PIGL: variants seen among roughly 807,000 people sequenced by gnomAD.
PIGL encodes phosphatidylinositol glycan anchor biosynthesis class L.
Under a neutral mutation model 31.1 loss-of-function variants are expected in PIGL, and 22 were observed. The ratio of observed to expected loss-of-function variants is 0.71; its 90% CI spans 0.51 to 1.01. The LOEUF (loss-of-function observed/expected upper bound fraction) is 1.01, where lower values mean the gene tolerates loss of function less well. Among genes scored for constraint, PIGL ranks in the 50% least tolerant of loss-of-function variants. PIGL has a pLI of 0.00. For missense variants in PIGL, 302 were observed against 315.9 expected (o/e 0.96, Z 0.33); for synonymous variants, 131 against 117.4 (o/e 1.12, Z -0.75).
At chr17:16,235,435 CTTTTTTTTTTTTTTT>C (rs903174807) in intron 2 of PIGL, among the ~76,000 whole-genome samples, 2 of 90,924 alleles carry the variant, frequency 2.2e-5, no homozygotes, top group Non-Finnish European at 2.2e-5. Context: ...TGTCTACGTT[CTTTTTTTTTTTTTTT>C]TTTTTTTTTT....
intron 4 of PIGL, 31 bp from the exon 5 acceptor site, chr17:16,316,650 T>A (rs1176298010): frequency 6.4e-7 from 1 of 1,568,900 alleles, no homozygotes; most frequent in East Asian, 2.3e-5. Context: ...TGATCCTTAC[T>A]CCTCTCACTC....
At chr17:16,276,447 C>G (rs7211754) in intron 2 of PIGL, among the ~76,000 whole-genome samples, 2,576 of 152,290 alleles carry the variant, frequency 0.017, 63 homozygotes, top group African/African-American at 0.058. Context: ...TAAGACTAGA[C>G]TCTGGCCGGG....
intron 2 of PIGL, among the ~76,000 whole-genome samples, chr17:16,272,084 T>G (rs1347374173): frequency 6.6e-6 from 1 of 152,174 alleles, no homozygotes; most frequent in African/African-American, 2.4e-5. Flanking sequence ...CCAAAGCCAT[T>G]GCTTTTTATC....
rs2092587245 is a variant in PIGL, at chr17:16,217,390, T to C, written c.164T>C (p.Met55Thr). The change falls in exon 1 of 7, where the codon ATG becomes ACG. Residue 55 changes from methionine (M) to threonine (T), a missense_variant. By Grantham distance (81) the Met-to-Thr change is moderately conservative. Coordinates refer to ENST00000225609, the MANE Select transcript of PIGL (RefSeq NM_004278.4). ...LVIAHPDDEA[M>T]FFAPTVLGLA... Reference sequence around the variant, plus strand: ...ATAGCGCACCCTGACGATGAAGCCATGTTTTTTGCTCCCACAGTGCTAGGC... The same window carrying C: ...ATAGCGCACCCTGACGATGAAGCCACGTTTTTTGCTCCCACAGTGCTAGGC... 6.2e-7 allele frequency: 1 copy of C among 1,614,200 alleles called. No individual in the cohort carries two copies. Among genetic ancestry groups the C allele is most frequent in the Admixed American group, 1.7e-5 (1 of 60,028 alleles).
At chr17:16,294,945 C>T (rs916697888) in intron 2 of PIGL, among the ~76,000 whole-genome samples, 7 of 152,280 alleles carry the variant, frequency 4.6e-5, no homozygotes, top group Admixed American at 6.5e-5. Context: ...CCAGTCTCTG[C>T]GTTGTTTCAC....
rs1049859538 is a variant in PIGL, at chr17:16,312,685, A to G, written c.427-862A>G. 3.1e-4 allele frequency: 56 copies of G among 178,048 alleles called. 2 individuals are homozygous for G. Among genetic ancestry groups the G allele is most frequent in the South Asian group, 1.2e-4 (1 of 8,006 alleles). 11.0% of individuals were successfully genotyped at this position (178,048 alleles called of 1,614,324 possible). On this transcript the variant is annotated intron_variant, in intron 3 of 6. Coordinates refer to ENST00000225609, the MANE Select transcript of PIGL (RefSeq NM_004278.4). ...TGCAATCCCGGCACCTTGGGAGGCC[A>G]AGGCTGGCAGATCACTTGCGGTTAG...
intron 2 of PIGL, among the ~76,000 whole-genome samples, chr17:16,296,468 A>G (rs925203708): frequency 2.0e-5 from 3 of 151,388 alleles, no homozygotes; most frequent in Non-Finnish European, 2.9e-5. Flanking sequence ...AAATTAGCTG[A>G]GCATGGTGGC....
intron 2 of PIGL, among the ~76,000 whole-genome samples, chr17:16,299,149 G>T (rs1220462155): frequency 6.6e-6 from 1 of 151,490 alleles, no homozygotes; most frequent in Non-Finnish European, 1.5e-5. Context: ...TGGAGGTTGC[G>T]GTGAGCCGAG....
intron 1 of PIGL, among the ~76,000 whole-genome samples, chr17:16,226,557 T>C (rs1277327741): frequency 6.6e-6 from 1 of 152,238 alleles, no homozygotes; most frequent in Non-Finnish European, 1.5e-5. Context: ...GTAGACATTC[T>C]ACAAGTGCAT....
intron 1 of PIGL, among the ~76,000 whole-genome samples, chr17:16,220,408 T>C (rs1276523209): frequency 6.6e-6 from 1 of 152,090 alleles, no homozygotes; most frequent in Non-Finnish European, 1.5e-5. Context: ...TTGTATTTCA[T>C]TATTTCCTCT....
intron 2 of PIGL, among the ~76,000 whole-genome samples, chr17:16,255,704 G>A (rs183271076): frequency 3.9e-4 from 60 of 152,246 alleles, no homozygotes; most frequent in African/African-American, 8.2e-4. Context: ...CTGACCACGC[G>A]TCCTCTCACT....
chr17:16,287,224 G>T (rs1333486320), intron 2 of PIGL, among the ~76,000 whole-genome samples: 1 of 150,870 alleles, frequency 6.6e-6, no homozygotes, highest in African/African-American at 2.5e-5. Flanking sequence ...GTCTGCCCCA[G>T]GGCTTGCGAT....
intron 2 of PIGL, among the ~76,000 whole-genome samples, chr17:16,239,470 G>A (rs903907576): frequency 5.3e-5 from 8 of 151,250 alleles, no homozygotes; most frequent in African/African-American, 1.5e-4. Flanking sequence ...GTGACAGAGT[G>A]AGACTCTGTC....
intron 2 of PIGL, among the ~76,000 whole-genome samples, chr17:16,290,281 A>C (rs1345710686): frequency 1.3e-5 from 2 of 150,110 alleles, no homozygotes; most frequent in Non-Finnish European, 3.0e-5. Flanking sequence ...TGGGGTTTCC[A>C]CATGTTGGCC....
chr17:16,274,584 G>C (rs1018363401), intron 2 of PIGL, among the ~76,000 whole-genome samples: 3 of 151,904 alleles, frequency 2.0e-5, no homozygotes, highest in African/African-American at 7.2e-5. Flanking sequence ...TTAGCCGGGC[G>C]TGGTGGCAGC....
At chr17:16,304,832 G>A (rs1160141886) in intron 3 of PIGL, among the ~76,000 whole-genome samples, 1 of 152,148 alleles carries the variant, frequency 6.6e-6, no homozygotes, top group South Asian at 2.1e-4. Context: ...CTTAGTCCCT[G>A]CTCCCATAGA....
At chr17:16,301,391 A>G (rs147763484) in intron 3 of PIGL, among the ~76,000 whole-genome samples, 1,744 of 150,932 alleles carry the variant, frequency 0.012, 47 homozygotes, top group African/African-American at 0.04. Context: ...CAGCCTCCTG[A>G]GTAGCTGGGA....
At chr17:16,273,042 T>C (rs2092879041) in intron 2 of PIGL, among the ~76,000 whole-genome samples, 1 of 152,228 alleles carries the variant, frequency 6.6e-6, no homozygotes, top group African/African-American at 2.4e-5. Flanking sequence ...AATGTGTTTG[T>C]TTATTCATTT....
chr17:16,237,977 C>T (rs527846288), intron 2 of PIGL, among the ~76,000 whole-genome samples: 2 of 151,960 alleles, frequency 1.3e-5, no homozygotes, highest in South Asian at 4.2e-4. Context: ...GTGGGTGGAT[C>T]ACGAGGTCAG....
Sources: gnomAD v4.1 joint callset for allele counts (sites outside exome capture counted in the v4.1 genomes callset) on GRCh38, gnomAD v4.1.1 for gene constraint, MANE v1.5 for transcripts, NCBI Gene and HGNC (gene_info 2026-07-23, HGNC 2026-07-21) for gene names.